The following TIAM1 variants were observed in gnomAD, a reference collection of about 807,000 sequenced individuals.
TIAM1 encodes rho guanine nucleotide exchange factor TIAM1.
A neutral mutation model predicts 163.5 loss-of-function variants in TIAM1; 65 were observed. That is an observed-to-expected ratio of 0.40 (90% CI 0.33 to 0.49). The LOEUF is 0.49. Ranked by LOEUF, TIAM1 falls within the 20% of genes least tolerant of loss-of-function variation. TIAM1 has a pLI of 0.77. For missense variants in TIAM1, 1,789 were observed against 2,044.7 expected, an observed-to-expected ratio of 0.87 and a Z score of 2.41; for synonymous variants, 833 against 810.1, an observed-to-expected ratio of 1.03 and a Z score of -0.48.
intron 10 of TIAM1, among the ~76,000 whole-genome samples, chr21:31,212,284 A>G (rs1039382552): frequency 5.3e-5 from 8 of 152,004 alleles, no homozygotes; most frequent in African/African-American, 1.7e-4. Flanking sequence ...TCCATCTACA[A>G]CATGGGGCTG....
chr21:31,190,059 AGTGG>A (rs2085480076), intron 13 of TIAM1, among the ~76,000 whole-genome samples: 2 of 152,148 alleles, frequency 1.3e-5, no homozygotes, highest in African/African-American at 2.4e-5. Context: ...AGGGATCATG[AGTGG>A]CAACTGGAAT....
chr21:31,147,965 C>A, intron 19 of TIAM1, among the ~76,000 whole-genome samples: 1 of 108,108 alleles, frequency 9.3e-6, no homozygotes, highest in Non-Finnish European at 1.7e-5. Flanking sequence ...TGCAATTTAT[C>A]TAATGAACAA....
chr21:31,346,937 A>C (rs2147109505), upstream of TIAM1, among the ~76,000 whole-genome samples: 1 of 151,550 alleles, frequency 6.6e-6, no homozygotes, highest in Non-Finnish European at 1.5e-5. Context: ...ATTATTATTT[A>C]ATTTTGCATG....
intron 10 of TIAM1, chr21:31,212,606 C>CTTTTTTTTTTT (rs35838120): frequency 1.1e-5 from 1 of 93,742 alleles, no homozygotes; most frequent in African/African-American, 3.8e-5. Flanking sequence ...GCCTGTGAAT[C>CTTTTTTTTTTT]TTTTTTTTTT....
At chr21:31,339,934 T>A (rs1167668977) in intron 1 of TIAM1, among the ~76,000 whole-genome samples, 2 of 152,134 alleles carry the variant, frequency 1.3e-5, no homozygotes, top group Non-Finnish European at 1.5e-5. Flanking sequence ...TTGTTCTCCA[T>A]TCTCATGAAA....
At chr21:31,125,047 C>A (rs1191263342) in intron 26 of TIAM1, among the ~76,000 whole-genome samples, 1 of 152,128 alleles carries the variant, frequency 6.6e-6, no homozygotes, top group African/African-American at 2.4e-5. Flanking sequence ...AAATGAACCA[C>A]AAGATTCTTG....
At position 31,120,622 on chromosome 21, in the gene TIAM1, C is replaced by T. The variant is rs761348938; in HGVS notation, c.4522G>A (p.Asp1508Asn). The T allele has an allele frequency of 2.7e-5, 44 of 1,614,156 alleles. No individual in the cohort carries two copies. Among genetic ancestry groups the T allele is most frequent in the Middle Eastern group, 3.3e-4 (2 of 6,062 alleles). ...TTCACGGACTCACAGAACTCATCAT[C>T]GTCACTGAGGATGTCTGTCTCCTTG... Reference protein sequence around the residue: ...DIKETDILSDDDEFCESVKGA... With the variant: ...DIKETDILSDNDEFCESVKGA... The change falls in exon 28 of 28, where the codon GAT (aspartate) becomes AAT (asparagine). Residue 1508 changes from aspartate (D) to asparagine (N), a missense_variant. Coordinates refer to ENST00000541036, the MANE Select transcript of TIAM1 (RefSeq NM_001353694.2). The surrounding 1 kb of genome is among the most constrained non-coding windows in gnomAD (Gnocchi z 4.2).
At chr21:31,155,471 AAGCACC>A (rs2083570933) in intron 16 of TIAM1, among the ~76,000 whole-genome samples, 4 of 152,278 alleles carry the variant, frequency 2.6e-5, no homozygotes, top group African/African-American at 7.2e-5. Flanking sequence ...ATTTGTTCCA[AAGCACC>A]ACTCAATGAA....
chr21:31,527,515 G>A (rs1044005803), intron 1 of TIAM1, among the ~76,000 whole-genome samples: 4 of 152,044 alleles, frequency 2.6e-5, no homozygotes, highest in African/African-American at 9.7e-5. Flanking sequence ...TGAGACATTC[G>A]AAGAGCATGG....
intron 3 of TIAM1, among the ~76,000 whole-genome samples, chr21:31,272,121 A>T (rs574259815): frequency 6.6e-6 from 1 of 152,214 alleles, no homozygotes; most frequent in Non-Finnish European, 1.5e-5. Context: ...CAGAACACTT[A>T]CATTAGCCTA....
At chr21:31,320,742 C>T (rs2075282887) in intron 2 of TIAM1, among the ~76,000 whole-genome samples, 1 of 152,174 alleles carries the variant, frequency 6.6e-6, no homozygotes, top group Non-Finnish European at 1.5e-5. Context: ...GCCTGTAATC[C>T]CAGCACTTTG....
At chr21:31,416,178 G>A (rs1476325858) in intron 2 of TIAM1, among the ~76,000 whole-genome samples, 1 of 151,988 alleles carries the variant, frequency 6.6e-6, no homozygotes, top group East Asian at 1.9e-4. Flanking sequence ...AGCCCCATAG[G>A]ACAACTCCTC....
chr21:31,305,170 C>T (rs1004160058), intron 2 of TIAM1, among the ~76,000 whole-genome samples: 3 of 152,136 alleles, frequency 2.0e-5, no homozygotes, highest in Admixed American at 6.5e-5. Context: ...TCATTAGGCC[C>T]TCACTCCACT....
Position 31,120,863 on chromosome 21 carries a change from A to C in TIAM1, c.4307-26T>G. ...CTGCACACACACACAAAAATATAAAAATAAAACCCCCACATGCTTTACGTG... is the reference window on the plus strand; with the variant it reads ...CTGCACACACACACAAAAATATAAACATAAAACCCCCACATGCTTTACGTG... On this transcript the variant is annotated intron_variant, in intron 27 of 27. Coordinates refer to ENST00000541036, the MANE Select transcript of TIAM1 (RefSeq NM_001353694.2). This position sits in a 1 kb window ranked among gnomAD's most constrained non-coding sequence, Gnocchi z 4.2. The C allele has an allele frequency of 6.4e-7, 1 of 1,557,010 alleles. No individual in the cohort carries two copies. Among genetic ancestry groups the C allele is most frequent in the South Asian group, 1.2e-5 (1 of 82,502 alleles).
At chr21:31,549,700 T>G (rs1433613603) in intron 1 of TIAM1, among the ~76,000 whole-genome samples, 2 of 152,224 alleles carry the variant, frequency 1.3e-5, no homozygotes, top group Non-Finnish European at 2.9e-5. Flanking sequence ...ATTGGACTCT[T>G]TATGCACTGC....
At chr21:31,347,819 C>T (rs764234497), upstream of TIAM1, among the ~76,000 whole-genome samples, 1 of 143,160 alleles carries the variant, frequency 7.0e-6, no homozygotes, top group Admixed American at 6.7e-5. Flanking sequence ...ACTTTATGCA[C>T]GAACGTTCAG....
intron 2 of TIAM1, among the ~76,000 whole-genome samples, chr21:31,281,315 G>A (rs940050611): frequency 6.6e-6 from 1 of 152,016 alleles, no homozygotes; most frequent in African/African-American, 2.4e-5. Flanking sequence ...AAATGAGGAC[G>A]TAAATATTAT....
chr21:31,198,188 G>A (rs760125147), intron 12 of TIAM1, among the ~76,000 whole-genome samples: 14 of 152,144 alleles, frequency 9.2e-5, no homozygotes, highest in Admixed American at 3.3e-4. Flanking sequence ...ACAGCCATTC[G>A]TCCAGAAACG....
At chr21:31,357,174 T>C (rs1602085268) in intron 2 of TIAM1, among the ~76,000 whole-genome samples, 1 of 152,262 alleles carries the variant, frequency 6.6e-6, no homozygotes, top group East Asian at 1.9e-4. Flanking sequence ...CATGCAAACA[T>C]GTTGGCTGGT....
Sources: gnomAD v4.1 joint callset for allele counts (sites outside exome capture counted in the v4.1 genomes callset) on GRCh38, gnomAD v4.1.1 for gene constraint, Gnocchi (gnomAD v3.1) non-coding constraint, MANE v1.5 for transcripts, NCBI Gene and HGNC (gene_info 2026-07-23, HGNC 2026-07-21) for gene names.